RCSD1: variants seen among roughly 807,000 people sequenced by gnomAD.
RCSD1 encodes RCSD domain containing 1, also known as capZ-interacting protein.
RCSD1 carries 26 observed loss-of-function variants against 42.5 expected under a neutral mutation model. That is an observed-to-expected ratio of 0.61 (90% CI 0.45 to 0.85). The LOEUF (loss-of-function observed/expected upper bound fraction) is 0.85, where lower values mean the gene tolerates loss of function less well. Among genes scored for constraint, RCSD1 ranks in the 40% least tolerant of loss-of-function variants. RCSD1 has a pLI of 0.00. For missense variants in RCSD1, 571 were observed against 528.3 expected (o/e 1.08, Z -0.79); for synonymous variants, 220 against 212.2 (o/e 1.04, Z -0.32).
intron 3 of RCSD1, among the ~76,000 whole-genome samples, chr1:167,688,480 C>T (rs542914377): frequency 3.3e-5 from 5 of 152,112 alleles, no homozygotes; most frequent in East Asian, 1.9e-4. Context: ...GGAACATACC[C>T]GACAGTGAAG....
chr1:167,704,071 G>C (rs1659702480), intron 6 of RCSD1, among the ~76,000 whole-genome samples: 1 of 152,188 alleles, frequency 6.6e-6, no homozygotes, highest in African/African-American at 2.4e-5. Flanking sequence ...GACGAGGCTG[G>C]AGTCCTGGTA....
intron 1 of RCSD1, among the ~76,000 whole-genome samples, chr1:167,673,284 A>G (rs1040959300): frequency 6.6e-6 from 1 of 152,224 alleles, no homozygotes; most frequent in South Asian, 2.1e-4. Context: ...CATTTGCCCA[A>G]GGTTTTCAGA....
In RCSD1 at chr1:167,630,313, C is replaced by A; in HGVS notation, c.-111C>A. ...CGCGCCACCGCCCACTCGCCCTGTG[C>A]CCGCCGCAGCCCGAAACTGGCCACG... On this transcript the variant is annotated 5_prime_UTR_variant, in exon 1 of 7. Coordinates refer to ENST00000367854, the MANE Select transcript of RCSD1 (RefSeq NM_052862.4). 1 of 1,216,210 alleles carries A rather than the reference C, an allele frequency of 8.2e-7. No homozygotes were observed. Among genetic ancestry groups the A allele is most frequent in the South Asian group, 3.3e-5 (1 of 30,484 alleles). The allele number at this position is 1,216,210 out of a possible 1,614,324, so 75.3% of individuals were successfully genotyped here.
At chr1:167,677,266 G>A (rs1658975270) in intron 1 of RCSD1, among the ~76,000 whole-genome samples, 1 of 152,190 alleles carries the variant, frequency 6.6e-6, no homozygotes, top group African/African-American at 2.4e-5. Flanking sequence ...CAGATGCTCA[G>A]GAAGGGGTGA....
intron 5 of RCSD1, 30 bp downstream of exon 5, chr1:167,694,332 T>C: frequency 6.3e-7 from 1 of 1,599,626 alleles, no homozygotes; most frequent in Non-Finnish European, 8.5e-7. Flanking sequence ...TATGGCGGTG[T>C]GTCTGTGGAA....
intron 4 of RCSD1, among the ~76,000 whole-genome samples, chr1:167,691,062 T>A (rs1659364601): frequency 6.6e-6 from 1 of 152,212 alleles, no homozygotes; most frequent in Admixed American, 6.5e-5. Context: ...ACTGCCCGGC[T>A]CCTGCTGCTC....
intron 1 of RCSD1, chr1:167,663,814 G>A (rs1658593890): frequency 6.6e-6 from 1 of 152,242 alleles, no homozygotes; most frequent in Non-Finnish European, 1.5e-5. Flanking sequence ...GTGCCAGTTG[G>A]TATCTTAGGT....
chr1:167,668,056 C>T (rs192616657), intron 1 of RCSD1, among the ~76,000 whole-genome samples: 1 of 152,198 alleles, frequency 6.6e-6, no homozygotes, highest in Admixed American at 6.5e-5. Flanking sequence ...TTTAGGAGGC[C>T]AAGGCGGATG....
At chr1:167,701,433 G>A (rs1478013912) in intron 6 of RCSD1, among the ~76,000 whole-genome samples, 4 of 152,000 alleles carry the variant, frequency 2.6e-5, no homozygotes, top group Non-Finnish European at 4.4e-5. Flanking sequence ...AGCCTCCCAA[G>A]TAGCTGGGAT....
intron 1 of RCSD1, among the ~76,000 whole-genome samples, chr1:167,635,295 G>A (rs750605665): frequency 1.3e-5 from 2 of 152,170 alleles, no homozygotes; most frequent in Admixed American, 6.5e-5. Context: ...CTTGTGGCAT[G>A]CCCAAATACC....
chr1:167,685,568 G>T, intron 3 of RCSD1, 58 bp downstream of exon 3: 1 of 1,483,284 alleles, frequency 6.7e-7, no homozygotes, highest in Non-Finnish European at 9.4e-7. Context: ...TCCTCTTCTT[G>T]AGGAAAGTTT....
Position 167,697,743 on chromosome 1 carries a change from G to C in RCSD1, c.1119G>C (p.Glu373Asp), listed in dbSNP as rs1233869704. 3 of 1,566,234 alleles carry C rather than the reference G, an allele frequency of 1.9e-6. No homozygotes were observed. The highest frequency in any genetic ancestry group is 2.7e-5 in the African/African-American group (2 of 73,634). The part of the protein sequence containing the change: ...KQEKGKEKQQ[E>D]GAVLEPGCSP... ...AAAAAGGCAAGGAAAAACAACAGGA[G>C]GGGGCAGTGCTCGAGCCAGGCTGCA... The change falls in exon 6 of 7, where the codon GAG (glutamate) becomes GAC (aspartate). Residue 373 changes from glutamate to aspartate, a missense_variant. Transcript: ENST00000367854.
intron 1 of RCSD1, among the ~76,000 whole-genome samples, chr1:167,653,351 C>T (rs1658354663): frequency 1.3e-5 from 2 of 152,194 alleles, no homozygotes; most frequent in African/African-American, 4.8e-5. Context: ...CCCTTGCCTC[C>T]ACAAAATCTG....
intron 6 of RCSD1, among the ~76,000 whole-genome samples, chr1:167,701,260 C>G (rs117432341): frequency 0.018 from 1,847 of 105,058 alleles, 25 homozygotes; most frequent in Middle Eastern, 0.061. Flanking sequence ...TAGTTTCTTT[C>G]TTTCTTTCTT....
At position 167,685,450 on chromosome 1, in the gene RCSD1, A is replaced by G. The variant is rs1268222153; in HGVS notation, c.138A>G (p.Lys46=). Residue 46 remains lysine, a synonymous_variant, in exon 3 of 7, where the codon AAA becomes AAG. Coordinates refer to ENST00000367854, the MANE Select transcript of RCSD1 (RefSeq NM_052862.4). ...CAGCCAGTAAACCAACCCGAAGGAA[A>G]CCGCCCTGTTCCCTCCCCCTGTTCC... ...ETPASKPTRR[K]PPCSLPLFPP... The G allele has an allele frequency of 6.2e-7, 1 of 1,613,574 alleles. No individual in the cohort carries two copies. Among genetic ancestry groups the G allele is most frequent in the Non-Finnish European group, 8.5e-7 (1 of 1,179,824 alleles).
intron 1 of RCSD1, among the ~76,000 whole-genome samples, chr1:167,666,719 G>T (rs930655277): frequency 1.3e-5 from 2 of 152,222 alleles, no homozygotes; most frequent in African/African-American, 4.8e-5. Flanking sequence ...ACCTCTGCAG[G>T]CTGAACACCC....
chr1:167,683,834 C>G, intron 1 of RCSD1, 66 bp from the exon 2 acceptor site: 1 of 1,436,318 alleles, frequency 7.0e-7, no homozygotes, highest in Non-Finnish European at 9.7e-7. Context: ...AGCCACAAAA[C>G]AGGTGCCTTG....
chr1:167,697,443 C>T lies in RCSD1; in HGVS notation c.819C>T (p.Gly273=), dbSNP rs1178698874. Residue 273 remains glycine (G), a synonymous_variant, in exon 6 of 7, where the codon GGC becomes GGT. Coordinates refer to ENST00000367854, the MANE Select transcript of RCSD1 (RefSeq NM_052862.4). Reference sequence around the variant, plus strand: ...GGCGGAGTTCAGAGGAGGTGGACGGCCAGCACCCGGCCCAAGAGGAGGTCC... The same window carrying T: ...GGCGGAGTTCAGAGGAGGTGGACGGTCAGCACCCGGCCCAAGAGGAGGTCC... ...KARRSSEEVD[G]QHPAQEEVPE... 1.9e-6 allele frequency: 3 copies of T among 1,611,732 alleles called. No homozygotes were observed. The highest frequency in any genetic ancestry group is 1.3e-5 in the African/African-American group (1 of 74,996).
At chr1:167,686,432 C>T (rs914695928) in intron 3 of RCSD1, among the ~76,000 whole-genome samples, 1 of 152,162 alleles carries the variant, frequency 6.6e-6, no homozygotes, top group African/African-American at 2.4e-5. Flanking sequence ...AGTGAAACAG[C>T]TGAAATAGAT....
Sources: gnomAD v4.1 joint callset for allele counts (sites outside exome capture counted in the v4.1 genomes callset) on GRCh38, gnomAD v4.1.1 for gene constraint, MANE v1.5 for transcripts, NCBI Gene and HGNC (gene_info 2026-07-23, HGNC 2026-07-21) for gene names.